PLCB1: variants seen among roughly 807,000 people sequenced by gnomAD.
The protein encoded by PLCB1 is 1-phosphatidylinositol 4,5-bisphosphate phosphodiesterase beta-1.
In PLCB1, 46 loss-of-function variants were observed where a neutral mutation model predicts 161.8. The observed-to-expected ratio is 0.28, with a 90% CI of 0.22 to 0.36. The LOEUF (loss-of-function observed/expected upper bound fraction) is 0.36. Ranked by LOEUF, PLCB1 falls within the 10% of genes least tolerant of loss-of-function variation. The probability of loss-of-function intolerance (pLI) is 1.00; values close to 1 mark genes in which losing one functional copy is unlikely to be tolerated. For synonymous variants in PLCB1, 517 were observed against 503.7 expected, an observed-to-expected ratio of 1.03 and a Z score of -0.35; for missense variants, 1,016 against 1,472.5, an observed-to-expected ratio of 0.69 and a Z score of 5.07.
intron 31 of PLCB1, among the ~76,000 whole-genome samples, chr20:8,826,269 G>C (rs1031346521): frequency 6.6e-6 from 1 of 152,114 alleles, no homozygotes; most frequent in Non-Finnish European, 1.5e-5. Flanking sequence ...GCCGAGGCGG[G>C]TGGATCACGA....
intron 2 of PLCB1, among the ~76,000 whole-genome samples, chr20:8,322,236 C>T (rs1157120260): frequency 6.6e-6 from 1 of 152,114 alleles, no homozygotes; most frequent in Non-Finnish European, 1.5e-5. Flanking sequence ...CCCTCCACTT[C>T]AGCTCTAATT....
At chr20:8,505,331 A>G (rs1333717060) in intron 3 of PLCB1, among the ~76,000 whole-genome samples, 2 of 152,198 alleles carry the variant, frequency 1.3e-5, no homozygotes, top group African/African-American at 4.8e-5. Context: ...GAGACCCAGC[A>G]GTTTGCTCTA....
At chr20:8,675,443 C>T (rs560098423) in intron 9 of PLCB1, among the ~76,000 whole-genome samples, 1 of 152,192 alleles carries the variant, frequency 6.6e-6, no homozygotes, top group South Asian at 2.1e-4. Flanking sequence ...GCATACTTCT[C>T]ATTAGAAAAA....
intron 2 of PLCB1, among the ~76,000 whole-genome samples, chr20:8,240,739 C>T (rs1010965497): frequency 1.3e-5 from 2 of 151,834 alleles, no homozygotes. Flanking sequence ...TTATAGCTTG[C>T]CAGATAGCAT....
intron 4 of PLCB1, among the ~76,000 whole-genome samples, chr20:8,629,027 A>G (rs1200104760): frequency 6.6e-6 from 1 of 152,140 alleles, no homozygotes. Context: ...ATTTCATCTA[A>G]ACACTTTCTC....
intron 3 of PLCB1, among the ~76,000 whole-genome samples, chr20:8,419,788 A>C (rs1231767607): frequency 1.3e-5 from 2 of 152,230 alleles, no homozygotes; most frequent in African/African-American, 4.8e-5. Context: ...AATGGCAGGA[A>C]ATGGAACCAG....
intron 3 of PLCB1, among the ~76,000 whole-genome samples, chr20:8,468,628 A>T (rs1365983061): frequency 6.6e-6 from 1 of 152,186 alleles, no homozygotes; most frequent in East Asian, 1.9e-4. Flanking sequence ...TTTTTAAAAC[A>T]TCCTGCTGTT....
chr20:8,543,023 C>T (rs1242422481), intron 3 of PLCB1, among the ~76,000 whole-genome samples: 2 of 152,098 alleles, frequency 1.3e-5, no homozygotes, highest in Non-Finnish European at 2.9e-5. Flanking sequence ...AACCTCTGCC[C>T]TTATGTTGGT....
chr20:8,174,142 G>A (rs1272183455), intron 2 of PLCB1, among the ~76,000 whole-genome samples: 1 of 151,926 alleles, frequency 6.6e-6, no homozygotes, highest in Non-Finnish European at 1.5e-5. Context: ...GAATCTGAGC[G>A]CACCTCAAAC....
intron 19 of PLCB1, among the ~76,000 whole-genome samples, chr20:8,734,134 T>TAAAAAA (rs1980452762): frequency 2.8e-4 from 1 of 3,608 alleles, no homozygotes; most frequent in Non-Finnish European, 6.2e-4. Context: ...AGACTCTGTC[T>TAAAAAA]CAAAAAAAAA....
At chr20:8,628,529 G>A in intron 4 of PLCB1, 98 bp downstream of exon 4, 2 of 1,285,384 alleles carry the variant, frequency 1.6e-6, no homozygotes, top group African/African-American at 2.9e-5. Flanking sequence ...GTCATATTTA[G>A]CATGTGTTAA....
intron 2 of PLCB1, among the ~76,000 whole-genome samples, chr20:8,217,806 A>T (rs2123157187): frequency 6.6e-6 from 1 of 152,154 alleles, no homozygotes; most frequent in Middle Eastern, 3.4e-3. Flanking sequence ...TGGGATAGTT[A>T]TTGCGGAAGT....
chr20:8,581,561 C>T (rs965984650), intron 3 of PLCB1, among the ~76,000 whole-genome samples: 1 of 152,038 alleles, frequency 6.6e-6, no homozygotes, highest in Non-Finnish European at 1.5e-5. Context: ...ACATAGGCAA[C>T]AGTTACTATG....
intron 1 of PLCB1, among the ~76,000 whole-genome samples, chr20:8,149,685 A>G (rs1320393512): frequency 6.6e-6 from 1 of 152,156 alleles, no homozygotes; most frequent in African/African-American, 2.4e-5. Flanking sequence ...GAAATGTTTA[A>G]TATTATAATT....
At chr20:8,487,561 T>C (rs1013988108) in intron 3 of PLCB1, among the ~76,000 whole-genome samples, 2 of 152,178 alleles carry the variant, frequency 1.3e-5, no homozygotes, top group Non-Finnish European at 2.9e-5. Context: ...AGATTAGCTG[T>C]CCTCTACTTC....
intron 3 of PLCB1, among the ~76,000 whole-genome samples, chr20:8,442,589 C>T (rs1232743): frequency 0.55 from 82,905 of 151,934 alleles, 23,830 homozygotes; most frequent in African/African-American, 0.73. Context: ...CCCATTTTTT[C>T]TTAATTTAAA....
At chr20:8,624,010 G>A (rs942910408) in intron 3 of PLCB1, 1 of 152,200 alleles carries the variant, frequency 6.6e-6, no homozygotes, top group Non-Finnish European at 1.5e-5. Flanking sequence ...GGTTTGATGG[G>A]AAACCAGCCT....
At chr20:8,324,563 C>T (rs763621028) in intron 2 of PLCB1, among the ~76,000 whole-genome samples, 1 of 152,132 alleles carries the variant, frequency 6.6e-6, no homozygotes, top group Non-Finnish European at 1.5e-5. Flanking sequence ...ATTGGCAGCT[C>T]TTCTCTGATA....
chr20:8,690,091 A>T (rs928295720), intron 10 of PLCB1, among the ~76,000 whole-genome samples: 1 of 150,126 alleles, frequency 6.7e-6, no homozygotes, highest in African/African-American at 2.4e-5. Context: ...CTCAGTTTTT[A>T]AAACTATATT....
Sources: allele counts gnomAD v4.1 joint callset (sites outside exome capture counted in the v4.1 genomes callset), GRCh38; gene constraint gnomAD v4.1.1; transcripts MANE v1.5; gene names NCBI Gene and HGNC (gene_info 2026-07-23, HGNC 2026-07-21).